Variants in EMSY observed in about 807,000 individuals in gnomAD.
EMSY encodes the protein BRCA2-interacting transcriptional repressor EMSY.
In EMSY, 26 loss-of-function variants were observed where a neutral mutation model predicts 134.6. That is an observed-to-expected ratio of 0.19 (90% CI 0.14 to 0.27). The LOEUF is 0.27. Ranked by LOEUF, EMSY falls within the 10% of genes least tolerant of loss-of-function variation. The pLI is 1.00. For missense variants in EMSY, 1,305 were observed against 1,611.4 expected, an observed-to-expected ratio of 0.81 and a Z score of 3.26; for synonymous variants, 579 against 577.8, an observed-to-expected ratio of 1.00 and a Z score of -0.03.
intron 17 of EMSY, 68 bp downstream of exon 18, chr11:76,539,708 TA>T: frequency 7.1e-7 from 1 of 1,410,104 alleles, no homozygotes; most frequent in Non-Finnish European, 1.0e-6. Context: ...GGGAACCGCT[TA>T]AATGGATGCG....
At chr11:76,523,530 T>C (rs1950722732) in intron 12 of EMSY, among the ~76,000 whole-genome samples, 1 of 152,212 alleles carries the variant, frequency 6.6e-6, no homozygotes, top group South Asian at 2.1e-4. Context: ...ATTTAGATGC[T>C]TAGCTTTGTC....
intron 3 of EMSY, 45 bp from the exon 4 acceptor site, chr11:76,453,269 G>A: frequency 6.4e-7 from 1 of 1,561,086 alleles, no homozygotes; most frequent in Non-Finnish European, 8.8e-7. Flanking sequence ...TATAGAAAGA[G>A]CTGCCTGCTT....
Position 76,518,684 on chromosome 11 carries a change from CAT to C in EMSY, c.1684+2391_1684+2392del, listed in dbSNP as rs796392038. On this transcript the variant is annotated intron_variant, in intron 11 of 20. Transcript: ENST00000334736. ...TTTGTATAAAGTGTGTGTGTGCGCG[CAT>C]ATATATATATATATATATTTTTTTT... 4.4e-3 allele frequency among the ~76,000 whole-genome samples: 533 copies of C among 121,614 alleles called. 4 individuals are homozygous for C. The highest frequency in any genetic ancestry group is 0.016 in the East Asian group (68 of 4,350). 79.8% of individuals were successfully genotyped at this position (121,614 alleles called of 152,430 possible). A position where few individuals can be genotyped will look rare whatever the true frequency, so the allele number is the denominator to read the frequency against.
At chr11:76,471,272 A>G (rs997965841) in intron 7 of EMSY, among the ~76,000 whole-genome samples, 1 of 152,178 alleles carries the variant, frequency 6.6e-6, no homozygotes, top group African/African-American at 2.4e-5. Context: ...TTGAGAAGAT[A>G]GTACAGAGTT....
chr11:76,479,018 G>T (rs1342162472), intron 8 of EMSY, among the ~76,000 whole-genome samples: 2 of 151,904 alleles, frequency 1.3e-5, no homozygotes, highest in East Asian at 3.9e-4. Context: ...ACCGTATTTT[G>T]TCCCCATGAA....
chr11:76,461,825 G>C (rs1438304410), intron 6 of EMSY, among the ~76,000 whole-genome samples: 3 of 152,102 alleles, frequency 2.0e-5, no homozygotes, highest in Non-Finnish European at 2.9e-5. Context: ...CGAGCTATTT[G>C]GGAGGCTGAG....
intron 5 of EMSY, chr11:76,458,559 G>A (rs984781033): frequency 8.7e-6 from 4 of 459,626 alleles, no homozygotes; most frequent in African/African-American, 6.1e-5. Context: ...TGTCGAAGGT[G>A]TGAATTATGT....
chr11:76,468,066 C>T (rs1483063292), intron 7 of EMSY, among the ~76,000 whole-genome samples: 2 of 151,500 alleles, frequency 1.3e-5, no homozygotes, highest in African/African-American at 4.8e-5. Context: ...ACTTTTCAGT[C>T]TTCTTCGGTG....
At chr11:76,495,421 T>C (rs1229630019) in intron 8 of EMSY, among the ~76,000 whole-genome samples, 1 of 152,194 alleles carries the variant, frequency 6.6e-6, no homozygotes, top group Non-Finnish European at 1.5e-5. Flanking sequence ...TAGATAATAG[T>C]CCTTTTAGAT....
intron 8 of EMSY, 135 bp from the exon 10 acceptor site, chr11:76,496,080 C>A: frequency 1.1e-6 from 1 of 910,864 alleles, no homozygotes; most frequent in Non-Finnish European, 1.6e-6. Flanking sequence ...TTATCTGACA[C>A]TTACTAGGTG....
intron 9 of EMSY, among the ~76,000 whole-genome samples, chr11:76,502,963 C>T (rs1451317875): frequency 2.6e-5 from 4 of 151,908 alleles, no homozygotes; most frequent in Non-Finnish European, 5.9e-5. Context: ...AATTTGATAG[C>T]CATATGGTTA....
intron 13 of EMSY, 91 bp downstream of exon 14, chr11:76,526,726 A>G: frequency 8.3e-7 from 1 of 1,209,534 alleles, no homozygotes; most frequent in Non-Finnish European, 1.2e-6. Flanking sequence ...AAAGATCAGC[A>G]ATCTTTAAGA....
intron 9 of EMSY, among the ~76,000 whole-genome samples, chr11:76,502,044 G>GAAAA (rs57263473): frequency 2.6e-3 from 239 of 93,086 alleles, no homozygotes; most frequent in African/African-American, 9.1e-3. Context: ...CATTTGAAAT[G>GAAAA]AAAAAAAAAA....
rs764597980 is a variant in EMSY, at chr11:76,549,945, C to T, written c.3775-7C>T. The T allele has an allele frequency of 2.5e-6, 4 of 1,601,160 alleles. No homozygotes were observed. ...CCATAAAGATTCTCCTGTGTCTTCT[C>T]TTCCAGGCTATTCCTCAGTATGCTA... On this transcript the variant is annotated splice_region_variant and splice_polypyrimidine_tract_variant and intron_variant, in intron 20 of 20. Coordinates refer to ENST00000334736, the Ensembl canonical transcript of EMSY.
intron 6 of EMSY, chr11:76,460,722 G>A (rs193054428): frequency 1.6e-4 from 24 of 152,228 alleles, no homozygotes; most frequent in African/African-American, 5.8e-4. Context: ...GCTCACGCGT[G>A]TAATCCTAGC....
chr11:76,495,346 G>A (rs1414536315), intron 8 of EMSY, among the ~76,000 whole-genome samples: 2 of 152,184 alleles, frequency 1.3e-5, no homozygotes, highest in East Asian at 1.9e-4. Context: ...TATCAGCAGT[G>A]CTTAAAAAGT....
intron 4 of EMSY, among the ~76,000 whole-genome samples, chr11:76,455,699 T>G (rs546707937): frequency 6.6e-6 from 1 of 152,316 alleles, no homozygotes; most frequent in East Asian, 1.9e-4. Context: ...TCTTGTGGCT[T>G]GAAACATAAC....
intron 8 of EMSY, among the ~76,000 whole-genome samples, 155 bp downstream of exon 9, chr11:76,472,995 G>A (rs1302082991): frequency 1.3e-5 from 2 of 152,124 alleles, no homozygotes; most frequent in Non-Finnish European, 2.9e-5. Flanking sequence ...ATGTCAAGAT[G>A]GTCGGTGATT....
At chr11:76,521,671 G>C (rs998943103) in intron 11 of EMSY, among the ~76,000 whole-genome samples, 1 of 151,888 alleles carries the variant, frequency 6.6e-6, no homozygotes, top group African/African-American at 2.4e-5. Flanking sequence ...GGCTGAGATG[G>C]GAGGATTGTG....
Sources: gnomAD v4.1 joint callset for allele counts (sites outside exome capture counted in the v4.1 genomes callset) on GRCh38, gnomAD v4.1.1 for gene constraint, MANE v1.5 for transcripts, NCBI Gene and HGNC (gene_info 2026-07-23, HGNC 2026-07-21) for gene names.